The following DTNA variants were observed in gnomAD, a reference collection of about 807,000 sequenced individuals.
DTNA encodes the protein dystrophin-related protein 3.
In DTNA, 43 loss-of-function variants were observed where a neutral mutation model predicts 100.7. The ratio of observed to expected loss-of-function variants is 0.43; its 90% CI spans 0.33 to 0.55. DTNA has a LOEUF of 0.55. Among genes scored for constraint, DTNA ranks in the 20% least tolerant of loss-of-function variants. The pLI, the probability that DTNA is intolerant of heterozygous loss-of-function variation, is 0.04. For synonymous variants in DTNA, 349 were observed against 347.9 expected, an observed-to-expected ratio of 1.00 and a Z score of -0.04; for missense variants, 798 against 953.9, an observed-to-expected ratio of 0.84 and a Z score of 2.15.
chr18:34,686,125 T>G (rs1401269254), intron 1 of DTNA, among the ~76,000 whole-genome samples: 1 of 152,204 alleles, frequency 6.6e-6, no homozygotes, highest in East Asian at 1.9e-4. Flanking sequence ...TTGAATACCC[T>G]TCATTTCTTT....
chr18:34,722,095 C>G lies in DTNA; in HGVS notation c.-2+11650C>G, dbSNP rs1346867493. On this transcript the variant is annotated intron_variant, in intron 1 of 22. Coordinates refer to ENST00000444659, the MANE Select transcript of DTNA (RefSeq NM_001386795.1). ...AAATTGCAACATTTATTACCTTTCT[C>G]ATTTAAAATTGTATTAAAATAATCC... Among the ~76,000 whole-genome samples the G allele has an allele frequency of 7.2e-5, 11 of 152,272 alleles. 1 individual carries two copies. In the South Asian group the frequency reaches 1.0e-3, roughly 14 times the overall value.
At chr18:34,528,347 C>T (rs1241510955) in intron 1 of DTNA, among the ~76,000 whole-genome samples, 1 of 152,002 alleles carries the variant, frequency 6.6e-6, no homozygotes, top group African/African-American at 2.4e-5. Context: ...GCTGGTAGTG[C>T]CTCCTACAGA....
intron 3 of DTNA, among the ~76,000 whole-genome samples, chr18:34,778,448 T>G (rs1601862312): frequency 1.3e-5 from 2 of 152,238 alleles, no homozygotes; most frequent in African/African-American, 4.8e-5. Flanking sequence ...AAAAGGTTGT[T>G]AAAATGTACA....
At chr18:34,534,581 C>G (rs1385324052) in intron 1 of DTNA, among the ~76,000 whole-genome samples, 1 of 151,760 alleles carries the variant, frequency 6.6e-6, no homozygotes, top group Non-Finnish European at 1.5e-5. Flanking sequence ...ACCTATCAAC[C>G]CATCATCTAG....
chr18:34,687,095 C>A (rs1030889751), intron 1 of DTNA, among the ~76,000 whole-genome samples: 1 of 152,134 alleles, frequency 6.6e-6, no homozygotes, highest in African/African-American at 2.4e-5. Flanking sequence ...AAAACCACCT[C>A]CTGGATTCGT....
intron 3 of DTNA, among the ~76,000 whole-genome samples, chr18:34,777,999 T>A (rs755271789): frequency 7.9e-5 from 12 of 152,226 alleles, no homozygotes; most frequent in Non-Finnish European, 1.3e-4. Flanking sequence ...CTGCAGTAGC[T>A]TTAAGAAGCC....
rs149320473 is a variant in DTNA, at chr18:34,584,409, G to A, written c.-2+90895G>A. Among the ~76,000 whole-genome samples, 43 of 152,206 alleles carry A rather than the reference G, an allele frequency of 2.8e-4. No individual in the cohort carries two copies. In the South Asian group the frequency reaches 5.0e-3, roughly 18 times the overall value. On this transcript the variant is annotated intron_variant, in intron 1 of 19. Coordinates refer to the DTNA transcript ENST00000283365. ...AATGTGTATTATAGATAGTAAAAAA[G>A]AAATTGTGTTCATGAAACTAAACAT...
rs1206066062 is a variant in DTNA at position 34,890,432 on chromosome 18, C to A, written c.*2698C>A. The stretch of plus-strand genomic sequence containing the variant: ...GGCTCTCCAGATTTACTTTTGGGGC[C>A]TGTTCTAAGTGCAAACCCAGCAAGT... On this transcript the variant is annotated 3_prime_UTR_variant, in exon 23 of 23. Coordinates refer to ENST00000444659, the MANE Select transcript of DTNA (RefSeq NM_001386795.1). 1.3e-6 allele frequency: 2 copies of A among 1,535,984 alleles called. No homozygotes were observed. Among genetic ancestry groups the A allele is most frequent in the African/African-American group, 1.4e-5 (1 of 73,032 alleles).
chr18:34,676,636 A>T (rs1362019496), intron 1 of DTNA, among the ~76,000 whole-genome samples: 1 of 152,112 alleles, frequency 6.6e-6, no homozygotes, highest in African/African-American at 2.4e-5. Flanking sequence ...GATGTTCGAG[A>T]CCAGCCTGGG....
At chr18:34,737,360 A>G (rs751863266) in intron 1 of DTNA, among the ~76,000 whole-genome samples, 2 of 152,206 alleles carry the variant, frequency 1.3e-5, no homozygotes, top group Non-Finnish European at 2.9e-5. Context: ...TAAGCGAAAT[A>G]GTAATTATTT....
intron 1 of DTNA, among the ~76,000 whole-genome samples, chr18:34,679,898 A>G (rs1211977179): frequency 6.6e-6 from 1 of 152,126 alleles, no homozygotes; most frequent in African/African-American, 2.4e-5. Context: ...CTATTAAGCA[A>G]ATGCCATAAT....
intron 1 of DTNA, among the ~76,000 whole-genome samples, chr18:34,689,354 G>A (rs921744439): frequency 6.6e-6 from 1 of 152,148 alleles, no homozygotes; most frequent in Non-Finnish European, 1.5e-5. Context: ...TGTTGTTGAT[G>A]TTGATGCTAT....
intron 11 of DTNA, among the ~76,000 whole-genome samples, chr18:34,834,427 C>A (rs915683010): frequency 1.3e-5 from 2 of 151,876 alleles, no homozygotes; most frequent in Non-Finnish European, 2.9e-5. Context: ...CGCTTGAACC[C>A]AGGAGGCGGA....
chr18:34,514,779 T>A (rs563197290), intron 1 of DTNA, among the ~76,000 whole-genome samples: 5 of 152,146 alleles, frequency 3.3e-5, no homozygotes, highest in Admixed American at 2.0e-4. Flanking sequence ...CTCTTGGGAC[T>A]TTTTTCATAA....
chr18:34,574,214 T>G (rs899979318), intron 1 of DTNA: 1 of 152,826 alleles, frequency 6.5e-6, no homozygotes, highest in African/African-American at 2.4e-5. Flanking sequence ...ATATTCCCGT[T>G]GTGTGTCAGC....
chr18:34,783,228 G>A (rs1256218413), intron 3 of DTNA, among the ~76,000 whole-genome samples: 2 of 152,210 alleles, frequency 1.3e-5, no homozygotes, highest in East Asian at 3.9e-4. Context: ...TTAATTTATA[G>A]TGTGACAGCT....
At position 34,601,534 on chromosome 18, in the gene DTNA, A is replaced by G. The variant is rs76902855; in HGVS notation, c.-2+108020A>G. Among the ~76,000 whole-genome samples, 780 of 152,244 alleles carry G rather than the reference A, an allele frequency of 5.1e-3. 5 individuals are homozygous for G. The highest frequency in any genetic ancestry group is 0.018 in the African/African-American group (748 of 41,538). On this transcript the variant is annotated intron_variant, in intron 1 of 19. Transcript: ENST00000283365. ...AGAAAGGACTGGAATATTTATGTAG[A>G]GCTCTGAGGAATTTCTACACTATTG...
intron 1 of DTNA, among the ~76,000 whole-genome samples, chr18:34,587,175 TC>T (rs1316129842): frequency 1.9e-4 from 28 of 150,498 alleles, no homozygotes; most frequent in Non-Finnish European, 2.9e-5. Context: ...AGATGGGGTC[TC>T]ACTATATTGC....
Position 34,888,727 on chromosome 18 carries a change from G to T in DTNA, c.*993G>T. On this transcript the variant is annotated 3_prime_UTR_variant, in exon 23 of 23. Transcript: ENST00000444659. ...GTTATCTCTGCTCTTCCATGGTCTTGTTCCTCTCGTTTTGGCTTTAGGAAG... is the reference window on the plus strand; with the variant it reads ...GTTATCTCTGCTCTTCCATGGTCTTTTTCCTCTCGTTTTGGCTTTAGGAAG... The T allele has an allele frequency of 2.0e-6, 2 of 985,804 alleles. No individual in the cohort carries two copies. Among genetic ancestry groups the T allele is most frequent in the Non-Finnish European group, 2.4e-6 (2 of 829,946 alleles). The allele number at this position is 985,804 out of a possible 1,614,324, so 61.1% of individuals were successfully genotyped here.
Sources: gnomAD v4.1 joint callset for allele counts (sites outside exome capture counted in the v4.1 genomes callset) on GRCh38, gnomAD v4.1.1 for gene constraint, MANE v1.5 for transcripts, NCBI Gene and HGNC (gene_info 2026-07-23, HGNC 2026-07-21) for gene names.